The following NAPG variants were observed in gnomAD, a reference collection of about 807,000 sequenced individuals.
NAPG encodes NSF attachment protein gamma.
A neutral mutation model predicts 48.4 loss-of-function variants in NAPG; 25 were observed. The ratio of observed to expected loss-of-function variants is 0.52; its 90% confidence interval spans 0.38 to 0.72. The LOEUF (loss-of-function observed/expected upper bound fraction) is 0.72, where lower values mean the gene tolerates loss of function less well. Among genes scored for constraint, NAPG ranks in the 30% least tolerant of loss-of-function variants. NAPG has a pLI of 0.00. For missense variants in NAPG, 359 were observed against 372.5 expected (o/e 0.96, Z 0.30); for synonymous variants, 139 against 127.2 (o/e 1.09, Z -0.62).
At chr18:10,541,149 A>G (rs1330241445) in intron 8 of NAPG, among the ~76,000 whole-genome samples, 1 of 152,248 alleles carries the variant, frequency 6.6e-6, no homozygotes, top group Non-Finnish European at 1.5e-5. Flanking sequence ...TGAAGACTGC[A>G]GATTCTGAAA....
chr18:10,535,480 G>A (rs1057299111), intron 5 of NAPG, among the ~76,000 whole-genome samples: 1 of 152,216 alleles, frequency 6.6e-6, no homozygotes, highest in Non-Finnish European at 1.5e-5. Flanking sequence ...GGAAAGTGAG[G>A]TTGGATGTAG....
chr18:10,539,732 T>C lies in NAPG; in HGVS notation c.259-30T>C. 1 of 1,535,042 alleles carries C rather than the reference T, an allele frequency of 6.5e-7. No homozygotes were observed. The highest frequency in any genetic ancestry group is 9.0e-7 in the Non-Finnish European group (1 of 1,115,942). On this transcript the variant is annotated intron_variant, in intron 5 of 11. Transcript: ENST00000322897. This position sits in a 1 kb window ranked among gnomAD's most constrained non-coding sequence, Gnocchi z 4.7. ...GTTTTTCTTTAATTGATGCATTTGCTGACCTGTCTACTGTATCCTTTGCCC... is the reference window on the plus strand; with the variant it reads ...GTTTTTCTTTAATTGATGCATTTGCCGACCTGTCTACTGTATCCTTTGCCC...
At chr18:10,541,661 T>C (rs570066258) in intron 8 of NAPG, among the ~76,000 whole-genome samples, 11 of 152,290 alleles carry the variant, frequency 7.2e-5, no homozygotes, top group African/African-American at 2.6e-4. Context: ...CTTTCTCTTC[T>C]GTTCTCATCT....
intron 8 of NAPG, among the ~76,000 whole-genome samples, chr18:10,541,607 C>G (rs1057015422): frequency 2.6e-5 from 4 of 152,148 alleles, no homozygotes; most frequent in African/African-American, 9.7e-5. Context: ...GTCCTTCATT[C>G]TTTTCAGGGC....
intron 5 of NAPG, among the ~76,000 whole-genome samples, chr18:10,536,168 T>C (rs1286560675): frequency 6.6e-6 from 1 of 152,230 alleles, no homozygotes; most frequent in Non-Finnish European, 1.5e-5. Flanking sequence ...AAGTATCTAT[T>C]TAATTTGAGG....
chr18:10,545,914 A>G (rs1342831471), intron 8 of NAPG, among the ~76,000 whole-genome samples: 2 of 152,086 alleles, frequency 1.3e-5, no homozygotes, highest in Admixed American at 6.5e-5. Flanking sequence ...TGATGGAGGG[A>G]CACAGTCGGG....
At chr18:10,540,302 A>G (rs17546495) in intron 7 of NAPG, 27 bp from the exon 8 acceptor site, 85,025 of 1,595,408 alleles carry the variant, frequency 0.053, 2,730 homozygotes, top group Non-Finnish European at 0.062. Flanking sequence ...AAAGCAGCCA[A>G]CACTTGTTTT....
Position 10,548,588 on chromosome 18 carries a change from A to G in NAPG, c.665+210A>G, listed in dbSNP as rs2032318011. 6.6e-6 allele frequency among the ~76,000 whole-genome samples: 1 copy of G among 150,810 alleles called. No homozygotes were observed. The highest frequency in any genetic ancestry group is 2.5e-5 in the African/African-American group (1 of 40,760). On this transcript the variant is annotated intron_variant, in intron 10 of 11. Transcript: ENST00000322897. This position sits in a 1 kb window ranked among gnomAD's most constrained non-coding sequence, Gnocchi z 4.4. ...ATTTTTCTCTAGGGGACCTCCATGG[A>G]AGTGAATGACTTTAGTCATTTTAGT...
intron 3 of NAPG, chr18:10,533,194 CAG>C (rs1411519699): frequency 7.4e-6 from 2 of 271,364 alleles, no homozygotes; most frequent in African/African-American, 2.2e-5. Context: ...TAGTTTAAAA[CAG>C]TACATTTTCT....
chr18:10,526,371 C>T, intron 1 of NAPG: 1 of 555,890 alleles, frequency 1.8e-6, no homozygotes, highest in Non-Finnish European at 3.2e-6. Context: ...GCCGTGGGTC[C>T]ACCCCGCCGG....
In NAPG at chr18:10,534,677, G is replaced by C. The variant is rs371373111; in HGVS notation, c.258+181G>C. ...TAGAATACATTCTGTACGTCTTAAG[G>C]AATGTTAAAAGTGAAATTTAAGAGA... On this transcript the variant is annotated intron_variant, in intron 5 of 11. Coordinates refer to ENST00000322897, the MANE Select transcript of NAPG (RefSeq NM_003826.3). The surrounding 1 kb of genome is among the most constrained non-coding windows in gnomAD (Gnocchi z 5.0). 3.3e-5 allele frequency among the ~76,000 whole-genome samples: 5 copies of C among 152,294 alleles called. No homozygotes were observed. The highest frequency in any genetic ancestry group is 2.6e-4 in the Admixed American group (4 of 15,300).
At position 10,533,530 on chromosome 18, in the gene NAPG, A is replaced by G. The variant is rs377164076; in HGVS notation, c.210-6A>G. 89 of 1,597,262 alleles carry G rather than the reference A, an allele frequency of 5.6e-5. No individual in the cohort carries two copies. In the South Asian group the frequency reaches 7.6e-4, roughly 14 times the overall value. On this transcript the variant is annotated splice_polypyrimidine_tract_variant and splice_region_variant and intron_variant, in intron 3 of 11. Transcript: ENST00000322897. ...CCTTAACTTTGACTTCGTTACTTCCATTCAGTCTTTTTCATGCTGCCAAGT... is the reference window on the plus strand; with the variant it reads ...CCTTAACTTTGACTTCGTTACTTCCGTTCAGTCTTTTTCATGCTGCCAAGT...
rs2031807076 is a variant in NAPG, at chr18:10,526,276, CTGGT to C, written c.56+119_56+122del. The C allele has an allele frequency of 2.1e-5, 16 of 747,948 alleles. No homozygotes were observed. The South Asian group carries it at 2.3e-4, about 11-fold the overall frequency. The allele number at this position is 747,948 out of a possible 1,614,324, so 46.3% of individuals were successfully genotyped here. On this transcript the variant is annotated intron_variant, in intron 1 of 11. Coordinates refer to ENST00000322897, the MANE Select transcript of NAPG (RefSeq NM_003826.3). ...CTCAGGGCTGAGGGGCCTCGGCGCGCTGGTGCCCGCAGGGCTGCCGGGGCTCGGT... is the reference window on the plus strand; with the variant it reads ...CTCAGGGCTGAGGGGCCTCGGCGCGCGCCCGCAGGGCTGCCGGGGCTCGGT...
chr18:10,548,311 C>A lies in NAPG; in HGVS notation c.598C>A (p.Gln200Lys). ...YPTCYKKTIA[Q>K]VLVHLHRNDY... ...TCTTTTGTTTTAGAAAACAATTGCTCAAGTCTTAGTTCATCTACACAGAAA... is the reference window on the plus strand; with the variant it reads ...TCTTTTGTTTTAGAAAACAATTGCTAAAGTCTTAGTTCATCTACACAGAAA... Residue 200 changes from glutamine (Q) to lysine (K), a missense_variant, in exon 10 of 12, where the codon CAA becomes AAA. Physicochemically the swap from Gln to Lys is moderately conservative, Grantham distance 53. Coordinates refer to ENST00000322897, the MANE Select transcript of NAPG (RefSeq NM_003826.3). This position sits in a 1 kb window ranked among gnomAD's most constrained non-coding sequence, Gnocchi z 4.4. The A allele has an allele frequency of 6.2e-7, 1 of 1,612,642 alleles. No homozygotes were observed. The highest frequency in any genetic ancestry group is 8.5e-7 in the Non-Finnish European group (1 of 1,178,938).
intron 1 of NAPG, 88 bp downstream of exon 1, chr18:10,526,246 G>GGGGGGGTGGT: frequency 8.2e-6 from 4 of 490,186 alleles, no homozygotes; most frequent in Non-Finnish European, 1.7e-5. Flanking sequence ...GGGCGGGAGG[G>GGGGGGGTGGT]AGGGCTCAGG....
intron 9 of NAPG, among the ~76,000 whole-genome samples, chr18:10,547,271 C>G (rs553485844): frequency 2.0e-5 from 3 of 152,310 alleles, no homozygotes; most frequent in African/African-American, 7.2e-5. Flanking sequence ...TAGTCTGAAC[C>G]TAACTGGGGT....
rs2032226183 is a variant in NAPG, at chr18:10,544,728, G to C, written c.507-1598G>C. The stretch of plus-strand genomic sequence containing the variant: ...AGGGTCACACCTACACTTAAAGGGG[G>C]ATTATAGAGGAAATGTTTACAAGGG... On this transcript the variant is annotated intron_variant, in intron 8 of 11. Coordinates refer to ENST00000322897, the MANE Select transcript of NAPG (RefSeq NM_003826.3). The surrounding 1 kb of genome is among the most constrained non-coding windows in gnomAD (Gnocchi z 5.1). Among the ~76,000 whole-genome samples the C allele has an allele frequency of 6.6e-6, 1 of 152,140 alleles. No homozygotes were observed. Among genetic ancestry groups the C allele is most frequent in the Admixed American group, 6.5e-5 (1 of 15,270 alleles).
chr18:10,532,947 G>A, intron 3 of NAPG, 152 bp downstream of exon 3: 1 of 660,408 alleles, frequency 1.5e-6, no homozygotes. Context: ...AAACTATGAA[G>A]GAGCGTTTAT....
chr18:10,540,383 C>G lies in NAPG; in HGVS notation c.490C>G (p.Leu164Val), dbSNP rs1170163278. The change falls in exon 8 of 12, where the codon CTA (leucine) becomes GTA (valine). Residue 164 changes from leucine (L) to valine (V), a missense_variant. Transcript: ENST00000322897. ...VELLGKASRL[L>V]VRGRRFDEAA... ...ATTACTAGGAAAAGCCTCCAGACTA[C>G]TAGTACGAGGACGTAGGTATGTCTT... 6.2e-7 allele frequency: 1 copy of G among 1,613,204 alleles called. No homozygotes were observed.
Sources: allele counts gnomAD v4.1 joint callset (sites outside exome capture counted in the v4.1 genomes callset), GRCh38; gene constraint gnomAD v4.1.1; non-coding constraint Gnocchi (gnomAD v3.1); transcripts MANE v1.5; gene names NCBI Gene and HGNC (gene_info 2026-07-23, HGNC 2026-07-21).